Variants in OGDH observed in about 807,000 individuals in gnomAD.
The protein encoded by OGDH is oxoglutarate dehydrogenase.
A neutral mutation model predicts 116.6 loss-of-function variants in OGDH; 38 were observed. The observed-to-expected ratio is 0.33, with a 90% CI of 0.25 to 0.43. OGDH has a LOEUF of 0.43. Ranked by LOEUF, OGDH falls within the 20% of genes least tolerant of loss-of-function variation. The pLI is 1.00. For missense variants in OGDH, 825 were observed against 1,357.2 expected (o/e 0.61, Z 6.16); for synonymous variants, 488 against 533.3 (o/e 0.92, Z 1.17).
chr7:44,698,832 C>A (rs571428740), intron 18 of OGDH, among the ~76,000 whole-genome samples: 5 of 148,530 alleles, frequency 3.4e-5, no homozygotes, highest in Admixed American at 2.0e-4. Flanking sequence ...CAGAGCAATA[C>A]CCTGTCTTAA....
At chr7:44,655,888 A>G (rs1024908549) in intron 4 of OGDH, among the ~76,000 whole-genome samples, 2 of 152,184 alleles carry the variant, frequency 1.3e-5, no homozygotes, top group Non-Finnish European at 2.9e-5. Flanking sequence ...TGCCACCTGA[A>G]TCTAGTGCTG....
intron 12 of OGDH, among the ~76,000 whole-genome samples, chr7:44,695,264 T>A (rs1355284153): frequency 1.3e-5 from 2 of 152,066 alleles, no homozygotes; most frequent in African/African-American, 4.8e-5. Context: ...CCTAGCTAAT[T>A]TTTGTATTTT....
intron 5 of OGDH, among the ~76,000 whole-genome samples, chr7:44,668,268 C>T (rs1787272696): frequency 1.3e-5 from 2 of 152,102 alleles, no homozygotes; most frequent in South Asian, 4.1e-4. Context: ...GAAACGCCAT[C>T]TCTATTAAAA....
At chr7:44,677,527 G>A (rs980980338) in intron 9 of OGDH, among the ~76,000 whole-genome samples, 13 of 151,938 alleles carry the variant, frequency 8.6e-5, no homozygotes, top group African/African-American at 3.2e-4. Context: ...GCAGGGAGGG[G>A]CCGGCCTCCT....
At chr7:44,700,884 C>T (rs1008001877) in intron 19 of OGDH, among the ~76,000 whole-genome samples, 1 of 152,088 alleles carries the variant, frequency 6.6e-6, no homozygotes, top group Non-Finnish European at 1.5e-5. Flanking sequence ...GGCATGACAG[C>T]GGGCACTTGC....
intron 5 of OGDH, among the ~76,000 whole-genome samples, chr7:44,669,170 T>TTTTTTTTTTTTTTA (rs1787320005): frequency 6.8e-6 from 1 of 146,124 alleles, no homozygotes. Flanking sequence ...TTTTTTTTTT[T>TTTTTTTTTTTTTTA]GAGACAGGGT....
intron 9 of OGDH, among the ~76,000 whole-genome samples, chr7:44,678,223 G>T (rs1202401566): frequency 6.6e-6 from 1 of 152,152 alleles, no homozygotes; most frequent in Non-Finnish European, 1.5e-5. Context: ...CCTGGGCTAA[G>T]GTGAGATCGG....
chr7:44,621,672 GA>G (rs1273441710), intron 1 of OGDH, among the ~76,000 whole-genome samples: 10 of 151,898 alleles, frequency 6.6e-5, no homozygotes, highest in African/African-American at 2.4e-4. Context: ...AGGAGTTTGA[GA>G]CCAGCCTGGC....
intron 2 of OGDH, among the ~76,000 whole-genome samples, chr7:44,633,995 A>G (rs1785557431): frequency 6.6e-6 from 1 of 152,336 alleles, no homozygotes; most frequent in Non-Finnish European, 1.5e-5. Flanking sequence ...GAATGTTTGT[A>G]TAACAAACCA....
At chr7:44,626,877 G>C (rs546132246) in intron 2 of OGDH, among the ~76,000 whole-genome samples, 2 of 152,318 alleles carry the variant, frequency 1.3e-5, no homozygotes, top group South Asian at 4.1e-4. Flanking sequence ...CAGCAATCCC[G>C]GTTGTCATCC....
At chr7:44,631,628 T>G (rs933691045) in intron 2 of OGDH, among the ~76,000 whole-genome samples, 4 of 152,222 alleles carry the variant, frequency 2.6e-5, no homozygotes, top group African/African-American at 9.7e-5. Context: ...TATAACCTCT[T>G]TGAAACAACA....
chr7:44,662,320 T>C (rs1786980080), intron 4 of OGDH, among the ~76,000 whole-genome samples: 1 of 152,188 alleles, frequency 6.6e-6, no homozygotes, highest in Non-Finnish European at 1.5e-5. Flanking sequence ...AAACTTAGTT[T>C]TCCTTTGCCT....
At chr7:44,619,169 C>T (rs943571637) in intron 1 of OGDH, among the ~76,000 whole-genome samples, 2 of 152,082 alleles carry the variant, frequency 1.3e-5, no homozygotes, top group African/African-American at 4.8e-5. Context: ...TAATCCACAT[C>T]CTATGTTATA....
intron 4 of OGDH, among the ~76,000 whole-genome samples, chr7:44,648,789 G>A (rs1184124435): frequency 6.6e-6 from 1 of 152,130 alleles, no homozygotes; most frequent in African/African-American, 2.4e-5. Context: ...TTTAATACCA[G>A]CCCTTTAGCG....
intron 2 of OGDH, among the ~76,000 whole-genome samples, chr7:44,627,625 C>T (rs1336334018): frequency 6.6e-6 from 1 of 152,134 alleles, no homozygotes; most frequent in African/African-American, 2.4e-5. Context: ...AACTCAGCAT[C>T]TTCCTCTCCT....
chr7:44,614,493 G>T (rs950604226), intron 1 of OGDH, among the ~76,000 whole-genome samples: 14 of 151,952 alleles, frequency 9.2e-5, no homozygotes, highest in African/African-American at 3.4e-4. Flanking sequence ...GGACTCCAAT[G>T]ACATTAATAT....
At chr7:44,628,452 T>A (rs1191933898) in intron 2 of OGDH, among the ~76,000 whole-genome samples, 1 of 132,466 alleles carries the variant, frequency 7.5e-6, no homozygotes, top group Non-Finnish European at 1.6e-5. Flanking sequence ...TTATTTATTT[T>A]TTAATTAAAA....
chr7:44,643,098 A>T (rs1042214626), intron 2 of OGDH, among the ~76,000 whole-genome samples: 1 of 108,670 alleles, frequency 9.2e-6, no homozygotes. Flanking sequence ...TTTCTTTAAA[A>T]AAAAAAAAAA....
chr7:44,621,226 A>G (rs2117274594), intron 1 of OGDH, among the ~76,000 whole-genome samples: 1 of 152,202 alleles, frequency 6.6e-6, no homozygotes, highest in South Asian at 2.1e-4. Flanking sequence ...GACATGTGCC[A>G]CCACACCCTG....
Sources: gnomAD v4.1 joint callset for allele counts (sites outside exome capture counted in the v4.1 genomes callset) on GRCh38, gnomAD v4.1.1 for gene constraint, MANE v1.5 for transcripts, NCBI Gene and HGNC (gene_info 2026-07-23, HGNC 2026-07-21) for gene names.